TAFA1: variants seen among roughly 807,000 people sequenced by gnomAD.
TAFA1 encodes the protein TAFA chemokine like family member 1.
In TAFA1, 4 loss-of-function variants were observed where a neutral mutation model predicts 18.5. The observed-to-expected ratio is 0.22, with a 90% confidence interval of 0.11 to 0.49. TAFA1 has a LOEUF of 0.49. Among genes scored for constraint, TAFA1 ranks in the 20% least tolerant of loss-of-function variants. The pLI is 0.98. For missense variants in TAFA1, 147 were observed against 169.0 expected (o/e 0.87, Z 0.72); for synonymous variants, 56 against 55.2 (o/e 1.01, Z -0.06).
At chr3:68,494,336 T>G (rs1424534419) in intron 3 of TAFA1, among the ~76,000 whole-genome samples, 2 of 152,202 alleles carry the variant, frequency 1.3e-5, no homozygotes, top group Non-Finnish European at 2.9e-5. Context: ...ATAAGCCCAT[T>G]TTCTTCTCTG....
intron 2 of TAFA1, among the ~76,000 whole-genome samples, chr3:68,353,572 T>A (rs2069309441): frequency 6.6e-6 from 1 of 152,008 alleles, no homozygotes; most frequent in African/African-American, 2.4e-5. Context: ...CTATTTGCTA[T>A]ATAATCTGGC....
intron 2 of TAFA1, among the ~76,000 whole-genome samples, chr3:68,342,796 G>A (rs957983246): frequency 7.2e-5 from 11 of 152,180 alleles, no homozygotes; most frequent in Non-Finnish European, 1.6e-4. Context: ...TGCTTAGCGA[G>A]TTAGGCGTCA....
chr3:68,329,386 T>A (rs76998384), intron 2 of TAFA1, among the ~76,000 whole-genome samples: 11,292 of 151,586 alleles, frequency 0.074, 703 homozygotes, highest in African/African-American at 0.17. Flanking sequence ...ACTCTTAATG[T>A]TAAATGTATC....
chr3:68,366,924 C>G (rs2069584216), intron 2 of TAFA1, among the ~76,000 whole-genome samples: 1 of 152,196 alleles, frequency 6.6e-6, no homozygotes, highest in African/African-American at 2.4e-5. Flanking sequence ...TGTTTGTATT[C>G]TGACCTGTCA....
chr3:68,079,038 G>T (rs895263374), intron 2 of TAFA1, among the ~76,000 whole-genome samples: 2 of 152,116 alleles, frequency 1.3e-5, no homozygotes, highest in Non-Finnish European at 2.9e-5. Context: ...GTTTAGTCTT[G>T]GTAGAGGGTA....
intron 2 of TAFA1, among the ~76,000 whole-genome samples, chr3:68,325,940 T>A (rs1042503410): frequency 1.3e-5 from 2 of 152,152 alleles, no homozygotes; most frequent in African/African-American, 4.8e-5. Context: ...AAATTCACAA[T>A]CACTGCTTTG....
chr3:68,156,390 G>A (rs2065866658), intron 2 of TAFA1, among the ~76,000 whole-genome samples: 2 of 152,148 alleles, frequency 1.3e-5, no homozygotes, highest in Admixed American at 1.3e-4. Context: ...CTGGAAATCA[G>A]GTAGATGTTC....
chr3:68,240,494 C>A (rs2066983003), intron 2 of TAFA1, among the ~76,000 whole-genome samples: 1 of 152,172 alleles, frequency 6.6e-6, no homozygotes, highest in Non-Finnish European at 1.5e-5. Context: ...TAGCATAACC[C>A]TTCCTTTTTT....
chr3:68,221,025 C>G (rs903375981), intron 2 of TAFA1, among the ~76,000 whole-genome samples: 1 of 152,122 alleles, frequency 6.6e-6, no homozygotes, highest in East Asian at 1.9e-4. Flanking sequence ...GTAGAAGCCT[C>G]CAACCACATC....
intron 2 of TAFA1, among the ~76,000 whole-genome samples, chr3:68,277,331 A>G (rs375341826): frequency 6.6e-6 from 1 of 152,164 alleles, no homozygotes; most frequent in African/African-American, 2.4e-5. Context: ...AGAGTCAACC[A>G]GGGCTGATGC....
In TAFA1 at chr3:68,383,607, G is replaced by A. The variant is rs147491949; in HGVS notation, c.119-33673G>A. On this transcript the variant is annotated intron_variant, in intron 2 of 4. Coordinates refer to ENST00000478136, the MANE Select transcript of TAFA1 (RefSeq NM_213609.4). The stretch of plus-strand genomic sequence containing the variant: ...CTGGTGTTTTGTTAAGGATTTTTGC[G>A]TTGATGTTCATCAAGGATATTGGCC... Among the ~76,000 whole-genome samples the A allele has an allele frequency of 3.2e-3, 485 of 152,064 alleles. 3 individuals carry two copies. Among genetic ancestry groups the A allele is most frequent in the African/African-American group, 0.011 (445 of 41,500 alleles).
At chr3:68,406,801 G>A (rs184747762) in intron 2 of TAFA1, among the ~76,000 whole-genome samples, 22 of 152,304 alleles carry the variant, frequency 1.4e-4, no homozygotes, top group Admixed American at 6.5e-4. Flanking sequence ...ATGCATCCTT[G>A]TTGGGAGAGA....
At chr3:68,209,689 C>G (rs528943763) in intron 2 of TAFA1, among the ~76,000 whole-genome samples, 3 of 152,058 alleles carry the variant, frequency 2.0e-5, no homozygotes, top group African/African-American at 7.2e-5. Flanking sequence ...TGTTAAAATG[C>G]TATCATTCTA....
chr3:68,415,429 G>A (rs1369278500), intron 2 of TAFA1, among the ~76,000 whole-genome samples: 1 of 152,128 alleles, frequency 6.6e-6, no homozygotes, highest in Non-Finnish European at 1.5e-5. Context: ...ATTCTCTAAG[G>A]AACTGACCTT....
intron 2 of TAFA1, among the ~76,000 whole-genome samples, chr3:68,205,597 A>G (rs2107052379): frequency 6.6e-6 from 1 of 151,908 alleles, no homozygotes; most frequent in Non-Finnish European, 1.5e-5. Flanking sequence ...ACGACCTTCA[A>G]CTCCTGAAGA....
At chr3:68,356,343 G>T (rs1169853024) in intron 2 of TAFA1, among the ~76,000 whole-genome samples, 1 of 151,876 alleles carries the variant, frequency 6.6e-6, no homozygotes, top group Non-Finnish European at 1.5e-5. Context: ...AAGGGTGGTT[G>T]TGAGTATAAA....
chr3:68,261,074 G>GA lies in TAFA1; in HGVS notation c.119-156196dup, dbSNP rs897071618. Among the ~76,000 whole-genome samples, 294 of 146,386 alleles carry GA rather than the reference G, an allele frequency of 2.0e-3. 1 individual carries two copies. Among genetic ancestry groups the GA allele is most frequent in the African/African-American group, 6.2e-3 (248 of 39,912 alleles). On this transcript the variant is annotated intron_variant, in intron 2 of 4. Coordinates refer to ENST00000478136, the MANE Select transcript of TAFA1 (RefSeq NM_213609.4). ...ACAATGAACTCAAACAAATTTACAA[G>GA]AAAAAAAAAACCATCAAAAAGTGGG...
chr3:68,279,595 G>C (rs991088568), intron 2 of TAFA1, among the ~76,000 whole-genome samples: 13 of 152,034 alleles, frequency 8.6e-5, no homozygotes, highest in African/African-American at 3.1e-4. Flanking sequence ...CAGAAAACCT[G>C]TTTCCTCTCC....
At chr3:68,513,741 G>A (rs2072882275) in intron 3 of TAFA1, among the ~76,000 whole-genome samples, 1 of 152,136 alleles carries the variant, frequency 6.6e-6, no homozygotes, top group South Asian at 2.1e-4. Flanking sequence ...CCATTTTACA[G>A]ATAAAGAAAG....
Sources: allele counts gnomAD v4.1 joint callset (sites outside exome capture counted in the v4.1 genomes callset), GRCh38; gene constraint gnomAD v4.1.1; transcripts MANE v1.5; gene names NCBI Gene and HGNC (gene_info 2026-07-23, HGNC 2026-07-21).